PARD3: variants seen among roughly 807,000 people sequenced by gnomAD.
PARD3 encodes the protein partitioning defective 3 homolog.
A neutral mutation model predicts 155.4 loss-of-function variants in PARD3; 75 were observed. The observed-to-expected ratio is 0.48, with a 90% CI of 0.40 to 0.58. The LOEUF is 0.58. Ranked by LOEUF, PARD3 falls within the 20% of genes least tolerant of loss-of-function variation. The pLI, the probability that PARD3 is intolerant of heterozygous loss-of-function variation, is 0.00. For missense variants in PARD3, 1,642 were observed against 1,721.7 expected (o/e 0.95, Z 0.82); for synonymous variants, 576 against 610.5 (o/e 0.94, Z 0.83).
chr10:34,383,294 A>G (rs1842035981), intron 8 of PARD3, among the ~76,000 whole-genome samples: 1 of 152,158 alleles, frequency 6.6e-6, no homozygotes, highest in Admixed American at 6.5e-5. Context: ...TAGACATTAC[A>G]AAATACTTCA....
At chr10:34,329,040 A>C (rs1835337143) in intron 19 of PARD3, among the ~76,000 whole-genome samples, 1 of 152,192 alleles carries the variant, frequency 6.6e-6, no homozygotes, top group Non-Finnish European at 1.5e-5. Context: ...TTGCCTATCC[A>C]TGTGTTTCAT....
At chr10:34,319,134 G>C (rs2134145834) in intron 19 of PARD3, among the ~76,000 whole-genome samples, 1 of 147,234 alleles carries the variant, frequency 6.8e-6, no homozygotes, top group South Asian at 2.2e-4. Context: ...CTGTCACCAG[G>C]CTGGAGTACA....
intron 22 of PARD3, among the ~76,000 whole-genome samples, chr10:34,237,672 T>C (rs1953323699): frequency 6.6e-6 from 1 of 152,194 alleles, no homozygotes; most frequent in Non-Finnish European, 1.5e-5. Context: ...AAATTTTGAT[T>C]TACTCAGGGA....
intron 20 of PARD3, among the ~76,000 whole-genome samples, chr10:34,311,604 A>G (rs908032831): frequency 1.3e-5 from 2 of 152,190 alleles, no homozygotes; most frequent in Admixed American, 1.3e-4. Flanking sequence ...AACATTTATG[A>G]AAGAGTGTGT....
chr10:34,163,397 T>C (rs1188139519), intron 22 of PARD3, among the ~76,000 whole-genome samples: 1 of 152,122 alleles, frequency 6.6e-6, no homozygotes, highest in Non-Finnish European at 1.5e-5. Flanking sequence ...TTTGAAAAGA[T>C]GAAGAAAGGG....
chr10:34,144,868 A>G (rs77354000), intron 22 of PARD3, among the ~76,000 whole-genome samples: 2,293 of 152,096 alleles, frequency 0.015, 30 homozygotes, highest in Middle Eastern at 0.034. Context: ...TCTAACCTCA[A>G]AAGCTCCCAC....
intron 20 of PARD3, among the ~76,000 whole-genome samples, chr10:34,315,187 T>A (rs1448670149): frequency 2.0e-5 from 3 of 152,170 alleles, no homozygotes; most frequent in Non-Finnish European, 2.9e-5. Flanking sequence ...GAAAGCATCA[T>A]GTAATGCTTG....
intron 22 of PARD3, among the ~76,000 whole-genome samples, chr10:34,216,375 T>G (rs1218112150): frequency 6.6e-6 from 1 of 152,224 alleles, no homozygotes; most frequent in Non-Finnish European, 1.5e-5. Context: ...ACAGCAAATA[T>G]GTTGCTTGGA....
intron 19 of PARD3, among the ~76,000 whole-genome samples, chr10:34,323,608 G>A (rs773217061): frequency 2.0e-5 from 3 of 152,182 alleles, no homozygotes; most frequent in Non-Finnish European, 4.4e-5. Flanking sequence ...GGTGAAGGAA[G>A]AAAAACAATA....
intron 2 of PARD3, among the ~76,000 whole-genome samples, chr10:34,541,527 A>G (rs373437765): frequency 1.3e-5 from 2 of 152,188 alleles, no homozygotes; most frequent in South Asian, 4.1e-4. Flanking sequence ...AAGAAGGCAC[A>G]ACCTTTTCAT....
chr10:34,302,266 A>T (rs1293545728), intron 20 of PARD3, among the ~76,000 whole-genome samples: 1 of 152,066 alleles, frequency 6.6e-6, no homozygotes, highest in African/African-American at 2.4e-5. Context: ...CTTACCATTT[A>T]AAAAAAATGA....
intron 22 of PARD3, among the ~76,000 whole-genome samples, chr10:34,225,809 C>A (rs1952570224): frequency 6.6e-6 from 1 of 152,094 alleles, no homozygotes; most frequent in Non-Finnish European, 1.5e-5. Context: ...AGAGAAAAAT[C>A]CTCATGGTTC....
intron 5 of PARD3, chr10:34,426,548 G>A (rs1227801994): frequency 6.6e-6 from 1 of 152,108 alleles, no homozygotes; most frequent in Non-Finnish European, 1.5e-5. Context: ...ACTTAAGAAT[G>A]AGTAATTACA....
chr10:34,601,750 T>C (rs201728004), intron 2 of PARD3, among the ~76,000 whole-genome samples: 6 of 152,346 alleles, frequency 3.9e-5, no homozygotes, highest in Admixed American at 2.6e-4. Flanking sequence ...TAAAAAATGA[T>C]AGCAAAGTTT....
intron 3 of PARD3, among the ~76,000 whole-genome samples, chr10:34,509,190 T>C (rs776490357): frequency 2.0e-5 from 3 of 152,166 alleles, no homozygotes; most frequent in Non-Finnish European, 4.4e-5. Context: ...CCAACAGTTA[T>C]GTAGAATATC....
At chr10:34,663,981 T>G (rs1313120538) in intron 2 of PARD3, 1 of 152,308 alleles carries the variant, frequency 6.6e-6, no homozygotes, top group African/African-American at 2.4e-5. Flanking sequence ...CTTCGTCTTT[T>G]CGCCTTGGCA....
intron 5 of PARD3, among the ~76,000 whole-genome samples, chr10:34,408,609 G>A (rs1197579562): frequency 6.6e-6 from 1 of 151,996 alleles, no homozygotes; most frequent in Non-Finnish European, 1.5e-5. Flanking sequence ...TTAACTGGCC[G>A]AAACACCAGG....
At chr10:34,799,714 G>A (rs929989741) in intron 1 of PARD3, among the ~76,000 whole-genome samples, 5 of 152,150 alleles carry the variant, frequency 3.3e-5, no homozygotes, top group African/African-American at 1.2e-4. Context: ...AAGCCGGCTG[G>A]GTACGGTGGC....
At chr10:34,746,393 G>A (rs1835336925) in intron 1 of PARD3, among the ~76,000 whole-genome samples, 1 of 151,972 alleles carries the variant, frequency 6.6e-6, no homozygotes, top group Non-Finnish European at 1.5e-5. Context: ...AGGTTATAGT[G>A]AGGTATGATC....
Sources: gnomAD v4.1 joint callset for allele counts (sites outside exome capture counted in the v4.1 genomes callset) on GRCh38, gnomAD v4.1.1 for gene constraint, MANE v1.5 for transcripts, NCBI Gene and HGNC (gene_info 2026-07-23, HGNC 2026-07-21) for gene names.